The following HDGFL3 variants were observed in gnomAD, a reference collection of about 807,000 sequenced individuals.
The protein encoded by HDGFL3 is HDGF like 3.
Under a neutral mutation model 27.6 loss-of-function variants are expected in HDGFL3, and 6 were observed. The observed-to-expected ratio is 0.22, with a 90% CI of 0.12 to 0.43. The LOEUF (loss-of-function observed/expected upper bound fraction) is 0.43. Among genes scored for constraint, HDGFL3 ranks in the 20% least tolerant of loss-of-function variants. The pLI, the probability that HDGFL3 is intolerant of heterozygous loss-of-function variation, is 1.00. For synonymous variants in HDGFL3, 88 were observed against 88.9 expected (o/e 0.99, Z 0.05); for missense variants, 207 against 250.1 (o/e 0.83, Z 1.16).
intron 4 of HDGFL3, among the ~76,000 whole-genome samples, chr15:83,152,990 C>CT (rs920789734): frequency 0.034 from 3,824 of 113,258 alleles, 122 homozygotes; most frequent in Admixed American, 0.1. Flanking sequence ...ATACGCAGTT[C>CT]TTTTTTTTTT....
chr15:83,139,226 A>C lies in HDGFL3; in HGVS notation c.*44T>G, dbSNP rs200570700. On this transcript the variant is annotated 3_prime_UTR_variant, in exon 6 of 6. Transcript: ENST00000299633. ...AGAATATTAGACAACCAAACATATA[A>C]CCTTCTTGTGGTTTCTCTTAATATG... The C allele has an allele frequency of 7.4e-7, 1 of 1,359,566 alleles. No individual in the cohort carries two copies. Among genetic ancestry groups the C allele is most frequent in the Non-Finnish European group, 9.8e-7 (1 of 1,015,448 alleles). 84.2% of individuals were successfully genotyped at this position (1,359,566 alleles called of 1,614,324 possible).
rs557708397 is a variant in HDGFL3, at chr15:83,161,963, C to T, written c.161+2036G>A. 1.4e-4 allele frequency among the ~76,000 whole-genome samples: 21 copies of T among 152,208 alleles called. 1 individual carries two copies. In the South Asian group the frequency reaches 4.4e-3, roughly 32 times the overall value. ...ATGTTAGAAGCAGAAGAACTTGAGG[C>T]TCCAGTCACCTACATCAGAATTAGA... is the stretch of plus-strand genomic sequence containing the variant. On this transcript the variant is annotated intron_variant, in intron 2 of 5. Transcript: ENST00000299633.
At chr15:83,122,806 T>TACG, downstream of HDGFL3, 1 of 1,614,090 alleles carries the variant, frequency 6.2e-7, no homozygotes, top group Non-Finnish European at 8.5e-7. Flanking sequence ...GCATACCATA[T>TACG]ACTTGTCTTC....
intron 1 of HDGFL3, among the ~76,000 whole-genome samples, chr15:83,168,751 G>A (rs2037203870): frequency 6.6e-6 from 1 of 152,110 alleles, no homozygotes; most frequent in Non-Finnish European, 1.5e-5. Flanking sequence ...AAATTGAGGA[G>A]GGATGCCTCT....
chr15:83,180,220 T>C (rs1398465789), intron 1 of HDGFL3, among the ~76,000 whole-genome samples: 1 of 152,106 alleles, frequency 6.6e-6, no homozygotes, highest in Non-Finnish European at 1.5e-5. Context: ...TGGTGGGGAA[T>C]AGAAAGGAGA....
chr15:83,147,614 A>T (rs879569914), intron 5 of HDGFL3, among the ~76,000 whole-genome samples: 1 of 152,156 alleles, frequency 6.6e-6, no homozygotes, highest in Non-Finnish European at 1.5e-5. Flanking sequence ...GTATTGACCA[A>T]CAGAACAGAA....
At chr15:83,154,223 C>G (rs1290695907) in intron 4 of HDGFL3, among the ~76,000 whole-genome samples, 1 of 151,218 alleles carries the variant, frequency 6.6e-6, no homozygotes, top group African/African-American at 2.4e-5. Context: ...GTGGTCCCAG[C>G]TACTGGGGAG....
intron 2 of HDGFL3, among the ~76,000 whole-genome samples, chr15:83,162,157 T>C (rs1384174582): frequency 6.6e-6 from 1 of 152,156 alleles, no homozygotes; most frequent in Non-Finnish European, 1.5e-5. Context: ...ACACCTACCA[T>C]GGGCCAGGCA....
At chr15:83,153,701 CATT>C (rs1418779056) in intron 4 of HDGFL3, among the ~76,000 whole-genome samples, 1 of 152,090 alleles carries the variant, frequency 6.6e-6, no homozygotes, top group African/African-American at 2.4e-5. Flanking sequence ...GTGAGGCTCT[CATT>C]AGTCCTATTG....
chr15:83,189,605 T>G (rs1408275690), intron 1 of HDGFL3: 1 of 152,190 alleles, frequency 6.6e-6, no homozygotes, highest in Non-Finnish European at 1.5e-5. Context: ...CTACATTAAA[T>G]TACATATTAC....
chr15:83,200,329 C>T (rs2037629231), intron 1 of HDGFL3, among the ~76,000 whole-genome samples: 1 of 148,730 alleles, frequency 6.7e-6, no homozygotes, highest in South Asian at 2.1e-4. Flanking sequence ...AGCAAGACTC[C>T]ATCTCAAAAA....
Position 83,207,624 on chromosome 15 carries a change from C to T in HDGFL3, c.-210G>A. ...GGCCCGGCAAATCACGGCCCGGCAGCGGGGGAGGGGAGCCCCCGGCCGTTC... is the reference window on the plus strand; with the variant it reads ...GGCCCGGCAAATCACGGCCCGGCAGTGGGGGAGGGGAGCCCCCGGCCGTTC... On this transcript the variant is annotated 5_prime_UTR_variant, in exon 1 of 6. Coordinates refer to ENST00000299633, the MANE Select transcript of HDGFL3 (RefSeq NM_016073.4). This position sits in a 1 kb window ranked among gnomAD's most constrained non-coding sequence, Gnocchi z 4.8. 7.9e-6 allele frequency: 2 copies of T among 253,194 alleles called. No homozygotes were observed. The highest frequency in any genetic ancestry group is 1.5e-5 in the Non-Finnish European group (2 of 135,768). The allele number at this position is 253,194 out of a possible 1,614,324, so 15.7% of individuals were successfully genotyped here.
intron 1 of HDGFL3, among the ~76,000 whole-genome samples, chr15:83,196,202 T>G (rs868785466): frequency 2.0e-5 from 3 of 151,566 alleles, no homozygotes; most frequent in Non-Finnish European, 3.0e-5. Context: ...TTTATATTTG[T>G]CCATTATATT....
At chr15:83,122,080 A>G (rs1245405535) in intron 3 of HDGFL3, 11 of 1,142,568 alleles carry the variant, frequency 9.6e-6, no homozygotes, top group South Asian at 8.0e-5. Flanking sequence ...AAGCTCTTTT[A>G]GTTATAATAG....
intron 5 of HDGFL3, among the ~76,000 whole-genome samples, chr15:83,146,051 C>T (rs776780129): frequency 7.3e-5 from 11 of 151,578 alleles, no homozygotes; most frequent in Non-Finnish European, 1.6e-4. Context: ...CCTGTGACTA[C>T]AAGTGTGCAC....
At chr15:83,115,745 G>T in intron 3 of HDGFL3, 2 of 836,654 alleles carry the variant, frequency 2.4e-6, no homozygotes. Flanking sequence ...GCATCTTCTG[G>T]AAAACATGAA....
In HDGFL3 at chr15:83,139,167, A is replaced by T; in HGVS notation, c.*103T>A. On this transcript the variant is annotated 3_prime_UTR_variant, in exon 6 of 6. Coordinates refer to ENST00000299633, the MANE Select transcript of HDGFL3 (RefSeq NM_016073.4). ...TACAAACTGGGGTTCTGTCAATGAC[A>T]ACAAGGACTATGTGTTGGTTCATAT... is the stretch of plus-strand genomic sequence containing the variant. 1 of 689,756 alleles carries T rather than the reference A, an allele frequency of 1.4e-6. No individual in the cohort carries two copies. Among genetic ancestry groups the T allele is most frequent in the Non-Finnish European group, 2.2e-6 (1 of 452,672 alleles). 42.7% of individuals were successfully genotyped at this position (689,756 alleles called of 1,614,324 possible).
intron 1 of HDGFL3, among the ~76,000 whole-genome samples, chr15:83,190,161 T>C (rs572873729): frequency 1.3e-5 from 2 of 149,928 alleles, no homozygotes; most frequent in African/African-American, 4.9e-5. Flanking sequence ...TGAGCCATGA[T>C]TGTGCCACTA....
At position 83,115,810 on chromosome 15, in the gene HDGFL3, T is replaced by C. The variant is rs1306993463; in HGVS notation, c.394-69A>G. On this transcript the variant is annotated intron_variant, in intron 3 of 3. Coordinates refer to the HDGFL3 transcript ENST00000568294. ...AGCTTGTAGTAATTGTCTCCTGAGCTATTGCTTTTTAAACTGCTGCTTTCT... is the reference window on the plus strand; with the variant it reads ...AGCTTGTAGTAATTGTCTCCTGAGCCATTGCTTTTTAAACTGCTGCTTTCT... The C allele has an allele frequency of 4.3e-6, 6 of 1,384,704 alleles. No individual in the cohort carries two copies. The African/African-American group carries it at 7.1e-5, about 16-fold the overall frequency. The allele number at this position is 1,384,704 out of a possible 1,614,324, so 85.8% of individuals were successfully genotyped here.
Sources: allele counts gnomAD v4.1 joint callset (sites outside exome capture counted in the v4.1 genomes callset), GRCh38; gene constraint gnomAD v4.1.1; non-coding constraint Gnocchi (gnomAD v3.1); transcripts MANE v1.5; gene names NCBI Gene and HGNC (gene_info 2026-07-23, HGNC 2026-07-21).